Variants in DIXDC1 observed in about 807,000 individuals in gnomAD.
DIXDC1 encodes the protein dixin.
A neutral mutation model predicts 103.1 loss-of-function variants in DIXDC1; 64 were observed. The ratio of observed to expected loss-of-function variants is 0.62; its 90% confidence interval spans 0.51 to 0.76. DIXDC1 has a LOEUF of 0.76. Among genes scored for constraint, DIXDC1 ranks in the 30% least tolerant of loss-of-function variants. DIXDC1 has a pLI of 0.00. For missense variants in DIXDC1, 759 were observed against 834.2 expected, an observed-to-expected ratio of 0.91 and a Z score of 1.11; for synonymous variants, 266 against 298.5, an observed-to-expected ratio of 0.89 and a Z score of 1.12.
intron 9 of DIXDC1, among the ~76,000 whole-genome samples, chr11:111,987,346 C>T (rs1860527444): frequency 6.6e-6 from 1 of 151,882 alleles, no homozygotes; most frequent in Non-Finnish European, 1.5e-5. Context: ...TATGTCTTTA[C>T]TTGAAAGAGA....
At chr11:111,973,464 A>C (rs1555172258) in intron 3 of DIXDC1, among the ~76,000 whole-genome samples, 1 of 152,232 alleles carries the variant, frequency 6.6e-6, no homozygotes, top group African/African-American at 2.4e-5. Context: ...ATAAAAAGTT[A>C]TCGAGATATT....
intron 1 of DIXDC1, among the ~76,000 whole-genome samples, chr11:111,964,271 A>C (rs981644801): frequency 2.0e-5 from 3 of 152,256 alleles, no homozygotes; most frequent in Non-Finnish European, 4.4e-5. Context: ...CAAGAGTCAT[A>C]GTCATTGAAA....
At chr11:111,991,955 C>T (rs906686913) in intron 10 of DIXDC1, among the ~76,000 whole-genome samples, 2 of 152,156 alleles carry the variant, frequency 1.3e-5, no homozygotes, top group Non-Finnish European at 2.9e-5. Flanking sequence ...GAAGGAAAAA[C>T]AGCTAATCTA....
intron 1 of DIXDC1, among the ~76,000 whole-genome samples, chr11:111,946,253 C>T (rs1555169356): frequency 1.3e-5 from 2 of 152,134 alleles, no homozygotes; most frequent in Non-Finnish European, 2.9e-5. Flanking sequence ...GGACCACAGG[C>T]GCCTACCACT....
At chr11:111,970,447 ACAC>A (rs1859881221) in intron 3 of DIXDC1, among the ~76,000 whole-genome samples, 2 of 152,160 alleles carry the variant, frequency 1.3e-5, no homozygotes, top group African/African-American at 4.8e-5. Flanking sequence ...CAATGACCAC[ACAC>A]AAAAAAGAAA....
intron 17 of DIXDC1, chr11:112,015,354 A>G (rs182196149): frequency 6.6e-6 from 1 of 152,334 alleles, no homozygotes; most frequent in East Asian, 1.9e-4. Flanking sequence ...AATGCCTAGA[A>G]TAAGTTAAGA....
chr11:111,996,129 C>G lies in DIXDC1; in HGVS notation c.1739C>G (p.Ser580Cys). 1.2e-6 allele frequency: 2 copies of G among 1,613,674 alleles called. No homozygotes were observed. The highest frequency in any genetic ancestry group is 1.7e-6 in the Non-Finnish European group (2 of 1,179,772). Residue 580 changes from serine (S) to cysteine (C), a missense_variant, in exon 17 of 20, where the codon TCC becomes TGC. Coordinates refer to ENST00000440460, the MANE Select transcript of DIXDC1 (RefSeq NM_001037954.4). ...CAAGTAGGTAGTGAATACCGGGAGT[C>G]CTGGCCCCCTAACTCAAGTAAGTAC... ...RTQVGSEYRE[S>C]WPPNSKLPHS...
In DIXDC1 at chr11:111,937,377, A is replaced by C. The variant is rs980117244; in HGVS notation, c.-123A>C. 19 of 1,459,812 alleles carry C rather than the reference A, an allele frequency of 1.3e-5. No individual in the cohort carries two copies. Among genetic ancestry groups the C allele is most frequent in the Middle Eastern group, 2.3e-4 (1 of 4,292 alleles). The allele number at this position is 1,459,812 out of a possible 1,614,324, so 90.4% of individuals were successfully genotyped here. On this transcript the variant is annotated 5_prime_UTR_variant, in exon 1 of 20. The change abolishes an upstream ATG in the 5' untranslated region. Coordinates refer to ENST00000440460, the MANE Select transcript of DIXDC1 (RefSeq NM_001037954.4). ...CCAGTCTAGGTTTCCAGTAAGTGGC[A>C]TGCGGGACTCCGGAGGGATCCCAAT...
chr11:111,979,250 G>T (rs1860220254), intron 5 of DIXDC1, among the ~76,000 whole-genome samples: 1 of 152,192 alleles, frequency 6.6e-6, no homozygotes, highest in Admixed American at 6.5e-5. Flanking sequence ...CTGCCTCACT[G>T]CTTTTGACGT....
Position 111,986,902 on chromosome 11 carries a change from TG to T in DIXDC1, c.1042del (p.Glu348ArgfsTer6). ...ATCCAAAGTCGTCTGGATCAGAGTA[TG>T]GAGGAGAATCAGGACTTAAAGGTAT... ...IIIQSRLDQS[M>X]EENQDLKKEL... On this transcript the variant is annotated frameshift_variant, in exon 9 of 20. Transcript: ENST00000440460. LOFTEE classifies it high-confidence loss of function. The T allele has an allele frequency of 6.3e-7, 1 of 1,577,716 alleles. No individual in the cohort carries two copies. The highest frequency in any genetic ancestry group is 8.6e-7 in the Non-Finnish European group (1 of 1,160,586).
intron 1 of DIXDC1, among the ~76,000 whole-genome samples, chr11:111,940,246 G>A (rs587743969): frequency 1.2e-4 from 19 of 152,320 alleles, no homozygotes; most frequent in African/African-American, 4.6e-4. Context: ...CAGAGCCCTG[G>A]CCTCAACATG....
upstream of DIXDC1, among the ~76,000 whole-genome samples, chr11:111,935,219 G>A (rs1966155644): frequency 6.6e-6 from 1 of 152,196 alleles, no homozygotes; most frequent in Admixed American, 6.5e-5. Flanking sequence ...GAGCCCTCTG[G>A]TTCAGATCTT....
intron 1 of DIXDC1, among the ~76,000 whole-genome samples, chr11:111,950,494 C>T (rs1165060907): frequency 2.9e-5 from 3 of 105,010 alleles, no homozygotes; most frequent in South Asian, 3.8e-4. Flanking sequence ...TCACTCTTGT[C>T]GCCCAGGCTG....
rs1555175187 is a variant in DIXDC1, at chr11:111,995,125, T to A, written c.1527+17T>A. 2 of 1,610,962 alleles carry A rather than the reference T, an allele frequency of 1.2e-6. No homozygotes were observed. The highest frequency in any genetic ancestry group is 4.5e-5 in the East Asian group (2 of 44,874). On this transcript the variant is annotated intron_variant, in intron 15 of 19. Coordinates refer to ENST00000440460, the MANE Select transcript of DIXDC1 (RefSeq NM_001037954.4). ...AACAGAGGGGTACGTACCTGGAGTT[T>A]TGATGGAGTCCTGCCACTTCTCACT...
Position 112,022,499 on chromosome 11 carries a change from C to G in DIXDC1, c.*3463C>G, listed in dbSNP as rs192863121. The G allele has an allele frequency of 1.3e-5, 2 of 152,706 alleles. No individual in the cohort carries two copies. Among genetic ancestry groups the G allele is most frequent in the Non-Finnish European group, 2.9e-5 (2 of 68,022 alleles). The allele number at this position is 152,706 out of a possible 1,614,324, so 9.5% of individuals were successfully genotyped here. On this transcript the variant is annotated 3_prime_UTR_variant, in exon 20 of 20. Coordinates refer to ENST00000440460, the MANE Select transcript of DIXDC1 (RefSeq NM_001037954.4). This position sits in a 1 kb window ranked among gnomAD's most constrained non-coding sequence, Gnocchi z 4.9. Reference sequence around the variant, plus strand: ...AGGCTTCTGATTATCAAAGTGATAACCAGTTTTAACTGCCGGTATGTACCA... The same window carrying G: ...AGGCTTCTGATTATCAAAGTGATAAGCAGTTTTAACTGCCGGTATGTACCA...
chr11:111,973,045 A>C (rs1859986488), intron 3 of DIXDC1, among the ~76,000 whole-genome samples: 1 of 141,952 alleles, frequency 7.0e-6, no homozygotes, highest in African/African-American at 2.6e-5. Context: ...GGGGAAAAAA[A>C]AAAAGAGTTT....
At chr11:111,950,245 A>C (rs1327791119) in intron 1 of DIXDC1, among the ~76,000 whole-genome samples, 2 of 151,610 alleles carry the variant, frequency 1.3e-5, no homozygotes, top group Admixed American at 6.6e-5. Flanking sequence ...GACCCAAAAA[A>C]AGAAAAAGAA....
chr11:111,930,161 C>T (rs1034965761), intron 2 of DIXDC1, among the ~76,000 whole-genome samples: 2 of 151,964 alleles, frequency 1.3e-5, no homozygotes, highest in East Asian at 3.9e-4. Flanking sequence ...AGAATGTATG[C>T]GTTTTTAAAA....
At chr11:111,978,742 A>T (rs755410598) in intron 5 of DIXDC1, among the ~76,000 whole-genome samples, 26 of 152,234 alleles carry the variant, frequency 1.7e-4, no homozygotes, top group Non-Finnish European at 1.8e-4. Context: ...AAGTCAGAGG[A>T]TGGAACATGT....
Sources: gnomAD v4.1 joint callset for allele counts (sites outside exome capture counted in the v4.1 genomes callset) on GRCh38, gnomAD v4.1.1 for gene constraint, Gnocchi (gnomAD v3.1) non-coding constraint, MANE v1.5 for transcripts, NCBI Gene and HGNC (gene_info 2026-07-23, HGNC 2026-07-21) for gene names.